The following ARL10 variants were observed in gnomAD, a reference collection of about 807,000 sequenced individuals.
The protein encoded by ARL10 is ARF like GTPase 10.
In ARL10, 23 loss-of-function variants were observed where a neutral mutation model predicts 26.1. That is an observed-to-expected ratio of 0.88 (90% confidence interval 0.63 to 1.25). ARL10 has a LOEUF of 1.25. Among genes scored for constraint, ARL10 ranks in the 50% most tolerant of loss-of-function variants. ARL10 has a pLI of 0.00. For synonymous variants in ARL10, 138 were observed against 149.1 expected, an observed-to-expected ratio of 0.93 and a Z score of 0.54; for missense variants, 300 against 323.6, an observed-to-expected ratio of 0.93 and a Z score of 0.56.
Position 176,373,931 on chromosome 5 carries a change from C to G in ARL10, c.*2036C>G, listed in dbSNP as rs184894068. 2 of 152,148 alleles carry G rather than the reference C, an allele frequency of 1.3e-5. No homozygotes were observed. The highest frequency in any genetic ancestry group is 2.4e-5 in the African/African-American group (1 of 41,434). 9.4% of individuals were successfully genotyped at this position (152,148 alleles called of 1,614,324 possible). ...TCTGTTTTTGAGCAGAAAAAAGATT[C>G]GTGAACTGGTTAGTACTTAGCACCA... On this transcript the variant is annotated 3_prime_UTR_variant, in exon 4 of 4. Transcript: ENST00000310389.
chr5:176,395,482 T>C (rs56015702), intron 1 of ARL10, among the ~76,000 whole-genome samples: 64,167 of 152,136 alleles, frequency 0.42, 14,076 homozygotes, highest in African/African-American at 0.55. Context: ...CTCTGTGCCC[T>C]GTGAGAGGAG....
chr5:176,383,717 C>T (rs1478633214), downstream of ARL10, among the ~76,000 whole-genome samples: 1 of 152,236 alleles, frequency 6.6e-6, no homozygotes, highest in African/African-American at 2.4e-5. Flanking sequence ...CAGGCCCCTT[C>T]CAAACAGCCC....
Position 176,366,514 on chromosome 5 carries a change from C to T in ARL10, c.318C>T (p.His106=). 2 of 1,614,152 alleles carry T rather than the reference C, an allele frequency of 1.2e-6. No homozygotes were observed. Among genetic ancestry groups the T allele is most frequent in the East Asian group, 2.2e-5 (1 of 44,882 alleles). Residue 106 remains histidine, a synonymous_variant, in exon 2 of 4, where the codon CAC becomes CAT. Coordinates refer to ENST00000310389, the MANE Select transcript of ARL10 (RefSeq NM_173664.6). ...CGGGGAAGCCACCGCTGGAAGGCCA[C>T]ATCCCCACCTGGGGCTTCAACTCCG... ...VLSGKPPLEG[H]IPTWGFNSVR...
At chr5:176,405,333 T>A (rs1376664193), downstream of ARL10, among the ~76,000 whole-genome samples, 1 of 150,724 alleles carries the variant, frequency 6.6e-6, no homozygotes, top group East Asian at 2.0e-4. Context: ...CATAAAAAAA[T>A]TAAAAAATTA....
chr5:176,373,095 A>G lies in ARL10; in HGVS notation c.*1200A>G. 1 of 398,638 alleles carries G rather than the reference A, an allele frequency of 2.5e-6. No homozygotes were observed. The highest frequency in any genetic ancestry group is 4.4e-6 in the Non-Finnish European group (1 of 226,066). The allele number at this position is 398,638 out of a possible 1,614,324, so 24.7% of individuals were successfully genotyped here. ...CAAATTCCTTCTGGGTAGATAAGAA[A>G]TGACTCTGGGAGAGGATTTCCCTTA... On this transcript the variant is annotated 3_prime_UTR_variant, in exon 4 of 4. Transcript: ENST00000310389.
the ARL10 span, among the ~76,000 whole-genome samples, chr5:176,412,039 G>A: frequency 9.9e-5 from 15 of 152,104 alleles, no homozygotes; most frequent in Admixed American, 6.5e-4. Context: ...AGCCAGGCGT[G>A]GTGGCAGGCG....
intron 1 of ARL10, among the ~76,000 whole-genome samples, chr5:176,366,019 T>C (rs1472653177): frequency 6.6e-6 from 1 of 152,026 alleles, no homozygotes; most frequent in Non-Finnish European, 1.5e-5. Context: ...GGGGCCGGAG[T>C]TTGGAGGGCG....
the ARL10 span, among the ~76,000 whole-genome samples, chr5:176,407,969 G>A: frequency 7.2e-5 from 11 of 152,134 alleles, no homozygotes; most frequent in Non-Finnish European, 1.3e-4. Flanking sequence ...TCCAGGGCGG[G>A]GCTCAGAAGA....
At position 176,374,070 on chromosome 5, in the gene ARL10, A is replaced by G. The variant is rs1269573211; in HGVS notation, c.*2175A>G. 4 of 152,268 alleles carry G rather than the reference A, an allele frequency of 2.6e-5. No homozygotes were observed. The East Asian group carries it at 7.7e-4, about 29-fold the overall frequency. 9.4% of individuals were successfully genotyped at this position (152,268 alleles called of 1,614,324 possible). Reference sequence around the variant, plus strand: ...TGCAGTCTGGCATTTGCCTTACCTGAACATGTTTTAGCAGCCTTCAGCCGA... The same window carrying G: ...TGCAGTCTGGCATTTGCCTTACCTGGACATGTTTTAGCAGCCTTCAGCCGA... On this transcript the variant is annotated 3_prime_UTR_variant, in exon 4 of 4. Coordinates refer to ENST00000310389, the MANE Select transcript of ARL10 (RefSeq NM_173664.6).
In ARL10 at chr5:176,365,659, C is replaced by G; in HGVS notation, c.96C>G (p.Phe32Leu). The G allele has an allele frequency of 8.0e-7, 1 of 1,250,810 alleles. No individual in the cohort carries two copies. The highest frequency in any genetic ancestry group is 1.0e-6 in the Non-Finnish European group (1 of 996,772). The allele number at this position is 1,250,810 out of a possible 1,614,324, so 77.5% of individuals were successfully genotyped here. A position where few individuals can be genotyped will look rare whatever the true frequency, so the allele number is the denominator to read the frequency against. Residue 32 changes from phenylalanine to leucine, a missense_variant, in exon 1 of 4, where the codon TTC (phenylalanine) becomes TTG (leucine). By Grantham distance (22) the Phe-to-Leu change is conservative. Transcript: ENST00000310389. Reference sequence around the variant, plus strand: ...TCTTCATCCTCTGGAAGACCTACTTCGGCCGCGGCCGAGAGCGGCGCTGGG... The same window carrying G: ...TCTTCATCCTCTGGAAGACCTACTTGGGCCGCGGCCGAGAGCGGCGCTGGG... Reference protein sequence around the residue: ...SVLFILWKTYFGRGRERRWDR... With the variant: ...SVLFILWKTYLGRGRERRWDR...
chr5:176,410,246 G>T, the ARL10 span: 2 of 1,613,400 alleles, frequency 1.2e-6, no homozygotes, highest in Non-Finnish European at 1.7e-6. Flanking sequence ...CTGAGACAGA[G>T]CCTTGCTTAC....
intron 1 of ARL10, among the ~76,000 whole-genome samples, chr5:176,395,228 C>T (rs1051386921): frequency 6.6e-6 from 1 of 152,156 alleles, no homozygotes; most frequent in Non-Finnish European, 1.5e-5. Flanking sequence ...CCAGCAAACT[C>T]CTTCTCACAC....
chr5:176,396,430 G>GC, intron 1 of ARL10: 1 of 1,476,612 alleles, frequency 6.8e-7, no homozygotes, highest in South Asian at 1.1e-5. Flanking sequence ...AACTGTGGTG[G>GC]CCATTCCCTC....
chr5:176,399,722 C>T (rs1426163108), intron 1 of ARL10, among the ~76,000 whole-genome samples: 3 of 151,800 alleles, frequency 2.0e-5, no homozygotes, highest in South Asian at 2.1e-4. Flanking sequence ...GGCGAAACCC[C>T]GTCTCTACTA....
chr5:176,390,714 T>C (rs1405779876), downstream of ARL10, among the ~76,000 whole-genome samples: 1 of 152,174 alleles, frequency 6.6e-6, no homozygotes, highest in East Asian at 1.9e-4. Context: ...CCCAAAGTGC[T>C]GGGATTACAG....
At chr5:176,389,644 C>A, downstream of ARL10, 1 of 844,346 alleles carries the variant, frequency 1.2e-6, no homozygotes, top group Non-Finnish European at 1.8e-6. Flanking sequence ...GTAACTGTAA[C>A]CGAAAGTTTT....
chr5:176,403,090 C>T (rs1756907590), downstream of ARL10, among the ~76,000 whole-genome samples: 1 of 149,726 alleles, frequency 6.7e-6, no homozygotes, highest in Admixed American at 6.7e-5. Flanking sequence ...CGCTCTGTCG[C>T]CCAGGCTGGA....
At chr5:176,391,800 C>G (rs1222907930), downstream of ARL10, among the ~76,000 whole-genome samples, 1 of 152,198 alleles carries the variant, frequency 6.6e-6, no homozygotes, top group East Asian at 1.9e-4. Context: ...GAGCATGGCT[C>G]TGCCACAGCT....
chr5:176,398,182 C>T lies in ARL10; in HGVS notation c.134-3559C>T, dbSNP rs188434365. 2.3e-5 allele frequency: 17 copies of T among 732,436 alleles called. No homozygotes were observed. The Admixed American group carries it at 3.5e-4, about 15-fold the overall frequency. 45.4% of individuals were successfully genotyped at this position (732,436 alleles called of 1,614,324 possible). On this transcript the variant is annotated intron_variant, in intron 1 of 1. Coordinates refer to the ARL10 transcript ENST00000514533. ...TCATACCCACTGTCTCTGGTGACTACACCTATCTTTGCACTTGCTGTTCCC... is the reference window on the plus strand; with the variant it reads ...TCATACCCACTGTCTCTGGTGACTATACCTATCTTTGCACTTGCTGTTCCC...
Sources: gnomAD v4.1 joint callset for allele counts (sites outside exome capture counted in the v4.1 genomes callset) on GRCh38, gnomAD v4.1.1 for gene constraint, MANE v1.5 for transcripts, NCBI Gene and HGNC (gene_info 2026-07-23, HGNC 2026-07-21) for gene names.